SKAP2: variants seen among roughly 807,000 people sequenced by gnomAD.
The protein encoded by SKAP2 is src kinase-associated phosphoprotein 2.
In SKAP2, 28 loss-of-function variants were observed where a neutral mutation model predicts 54.9. The observed-to-expected ratio is 0.51, with a 90% CI of 0.38 to 0.70. The LOEUF (loss-of-function observed/expected upper bound fraction) is 0.70. SKAP2 is among the 30% of genes least tolerant of loss of function. The pLI is 0.00. For synonymous variants in SKAP2, 137 were observed against 134.3 expected, an observed-to-expected ratio of 1.02 and a Z score of -0.14; for missense variants, 356 against 424.1, an observed-to-expected ratio of 0.84 and a Z score of 1.41.
At chr7:26,670,619 C>A (rs2128083442) in intron 11 of SKAP2, among the ~76,000 whole-genome samples, 1 of 152,060 alleles carries the variant, frequency 6.6e-6, no homozygotes, top group East Asian at 1.9e-4. Context: ...ATTTTTTTTA[C>A]AATAAACTAC....
chr7:26,734,848 A>C (rs1787891628), intron 6 of SKAP2, among the ~76,000 whole-genome samples: 1 of 152,148 alleles, frequency 6.6e-6, no homozygotes, highest in African/African-American at 2.4e-5. Context: ...CCAGCTCTTA[A>C]TACAATATCC....
chr7:26,771,529 A>G (rs1034057552), intron 4 of SKAP2, among the ~76,000 whole-genome samples: 1 of 152,324 alleles, frequency 6.6e-6, no homozygotes, highest in East Asian at 1.9e-4. Context: ...TTTATATAGT[A>G]TGTTATAGGA....
intron 9 of SKAP2, among the ~76,000 whole-genome samples, chr7:26,707,911 G>C (rs1397520381): frequency 6.6e-6 from 1 of 152,154 alleles, no homozygotes; most frequent in African/African-American, 2.4e-5. Flanking sequence ...CAAAACTCCT[G>C]GGGTTCTAGC....
chr7:26,748,905 T>C (rs752785668), intron 4 of SKAP2, among the ~76,000 whole-genome samples: 9 of 152,182 alleles, frequency 5.9e-5, no homozygotes, highest in Non-Finnish European at 1.3e-4. Flanking sequence ...GCTCTGTGAC[T>C]TAGCAAGTCA....
chr7:26,808,057 C>A (rs1460634830), intron 4 of SKAP2, among the ~76,000 whole-genome samples: 2 of 151,974 alleles, frequency 1.3e-5, no homozygotes, highest in African/African-American at 4.8e-5. Flanking sequence ...GAAACCAAAC[C>A]CACAATATCT....
intron 1 of SKAP2, among the ~76,000 whole-genome samples, chr7:26,856,706 T>A (rs1430476456): frequency 3.3e-5 from 5 of 152,096 alleles, no homozygotes; most frequent in African/African-American, 4.8e-5. Flanking sequence ...AGAAGCAACA[T>A]CCCTACTGCT....
intron 4 of SKAP2, among the ~76,000 whole-genome samples, chr7:26,835,746 A>T (rs1784694076): frequency 6.6e-6 from 1 of 152,176 alleles, no homozygotes; most frequent in Non-Finnish European, 1.5e-5. Context: ...AATCAATATC[A>T]TGAAAAATGG....
intron 4 of SKAP2, among the ~76,000 whole-genome samples, chr7:26,744,820 A>G (rs990375398): frequency 6.6e-6 from 1 of 152,142 alleles, no homozygotes; most frequent in Non-Finnish European, 1.5e-5. Flanking sequence ...CTAAGACAAT[A>G]TAAGACATCA....
intron 10 of SKAP2, among the ~76,000 whole-genome samples, chr7:26,686,537 A>C (rs1786644915): frequency 6.6e-6 from 1 of 152,220 alleles, no homozygotes; most frequent in African/African-American, 2.4e-5. Context: ...GTAAATTATA[A>C]AAATGGACAC....
At chr7:26,783,386 CG>C (rs1379524506) in intron 4 of SKAP2, among the ~76,000 whole-genome samples, 2 of 152,138 alleles carry the variant, frequency 1.3e-5, no homozygotes, top group Non-Finnish European at 2.9e-5. Flanking sequence ...CTCCCCTACC[CG>C]TTTCCCCCAC....
intron 9 of SKAP2, among the ~76,000 whole-genome samples, chr7:26,708,092 C>G (rs1787207144): frequency 6.6e-6 from 1 of 152,194 alleles, no homozygotes. Context: ...GTGGCCAGCT[C>G]TAACAGAAGT....
intron 4 of SKAP2, among the ~76,000 whole-genome samples, chr7:26,742,767 T>G (rs1280238811): frequency 2.0e-5 from 3 of 152,160 alleles, no homozygotes; most frequent in Non-Finnish European, 4.4e-5. Flanking sequence ...CTGTAAACAC[T>G]TTAGATTTTT....
At chr7:26,861,592 ATG>A (rs933005815) in intron 1 of SKAP2, among the ~76,000 whole-genome samples, 5 of 148,556 alleles carry the variant, frequency 3.4e-5, no homozygotes, top group African/African-American at 1.2e-4. Flanking sequence ...TACACAACAC[ATG>A]TGAGTTAACA....
intron 9 of SKAP2, among the ~76,000 whole-genome samples, chr7:26,710,561 G>A (rs1787278482): frequency 6.6e-6 from 1 of 152,144 alleles, no homozygotes; most frequent in Admixed American, 6.5e-5. Flanking sequence ...GAAATGTATG[G>A]GATATGCGTG....
Position 26,797,204 on chromosome 7 carries a change from G to C in SKAP2, c.307+46826C>G, listed in dbSNP as rs1783799350. 5.3e-5 allele frequency among the ~76,000 whole-genome samples: 8 copies of C among 152,230 alleles called. No homozygotes were observed. The South Asian group carries it at 1.0e-3, about 20-fold the overall frequency. On this transcript the variant is annotated intron_variant, in intron 4 of 12. Coordinates refer to ENST00000345317, the MANE Select transcript of SKAP2 (RefSeq NM_003930.5). ...TAATTGTAGAGCCCCAGGGCCTCGA[G>C]CTAAAATAGGCAGTAGCCATGGGGT... is the stretch of plus-strand genomic sequence containing the variant.
chr7:26,835,097 CAT>C (rs1343940792), intron 4 of SKAP2, among the ~76,000 whole-genome samples: 1 of 152,158 alleles, frequency 6.6e-6, no homozygotes, highest in African/African-American at 2.4e-5. Context: ...ACAAAAACCA[CAT>C]GATTATCTCA....
intron 10 of SKAP2, among the ~76,000 whole-genome samples, chr7:26,685,619 T>C (rs1473817007): frequency 2.6e-5 from 4 of 152,190 alleles, no homozygotes; most frequent in Non-Finnish European, 5.9e-5. Context: ...GCACAATGGA[T>C]GTGATGTGCT....
chr7:26,707,975 G>A (rs537884843), intron 9 of SKAP2, among the ~76,000 whole-genome samples: 6 of 152,198 alleles, frequency 3.9e-5, no homozygotes, highest in East Asian at 1.9e-4. Context: ...AACACTTCCA[G>A]AACCCAGGGC....
intron 4 of SKAP2, among the ~76,000 whole-genome samples, chr7:26,798,246 G>T (rs1783825889): frequency 6.6e-6 from 1 of 151,940 alleles, no homozygotes; most frequent in Non-Finnish European, 1.5e-5. Flanking sequence ...AGACTTTTCA[G>T]TGGAAACCTT....
Sources: allele counts gnomAD v4.1 joint callset (sites outside exome capture counted in the v4.1 genomes callset), GRCh38; gene constraint gnomAD v4.1.1; transcripts MANE v1.5; gene names NCBI Gene and HGNC (gene_info 2026-07-23, HGNC 2026-07-21).